The following CDH13 variants were observed in gnomAD, a reference collection of about 807,000 sequenced individuals.
CDH13 encodes cadherin-13.
Under a neutral mutation model 63.8 loss-of-function variants are expected in CDH13, and 24 were observed. The observed-to-expected ratio is 0.38, with a 90% CI of 0.27 to 0.53. The LOEUF (loss-of-function observed/expected upper bound fraction) is 0.53, where lower values mean the gene tolerates loss of function less well. Among genes scored for constraint, CDH13 ranks in the 20% least tolerant of loss-of-function variants. The pLI is 0.85. For missense variants in CDH13, 1,049 were observed against 903.1 expected (o/e 1.16, Z -2.07); for synonymous variants, 503 against 355.3 (o/e 1.42, Z -4.67).
chr16:83,373,337 A>C (rs1385659014), intron 6 of CDH13, among the ~76,000 whole-genome samples: 2 of 152,162 alleles, frequency 1.3e-5, no homozygotes, highest in Non-Finnish European at 2.9e-5. Flanking sequence ...AGTGCAAAGT[A>C]AGCTGATGGG....
intron 9 of CDH13, among the ~76,000 whole-genome samples, chr16:83,673,391 C>T (rs761582262): frequency 4.6e-5 from 7 of 152,242 alleles, no homozygotes; most frequent in Admixed American, 3.9e-4. Context: ...CTACCCTCCT[C>T]GCTCCAGACC....
At chr16:82,733,494 A>C (rs1287423167) in intron 1 of CDH13, among the ~76,000 whole-genome samples, 1 of 152,186 alleles carries the variant, frequency 6.6e-6, no homozygotes, top group Non-Finnish European at 1.5e-5. Context: ...GAAAGAGTTC[A>C]TGATTTGGCT....
intron 10 of CDH13, among the ~76,000 whole-genome samples, chr16:83,703,988 G>T (rs1025879924): frequency 1.3e-5 from 2 of 152,124 alleles, no homozygotes; most frequent in African/African-American, 4.8e-5. Flanking sequence ...ATGGAGAAAT[G>T]AAAAAGGCTT....
At chr16:83,146,351 T>C (rs893142103) in intron 4 of CDH13, among the ~76,000 whole-genome samples, 1 of 152,228 alleles carries the variant, frequency 6.6e-6, no homozygotes, top group Non-Finnish European at 1.5e-5. Context: ...GCTTATGCCA[T>C]GTAGGGGTTT....
intron 1 of CDH13, among the ~76,000 whole-genome samples, chr16:82,784,027 A>G (rs1032969046): frequency 6.6e-6 from 1 of 152,234 alleles, no homozygotes; most frequent in Non-Finnish European, 1.5e-5. Context: ...TGGCTGGGCA[A>G]TTATCCTTTT....
intron 3 of CDH13, among the ~76,000 whole-genome samples, chr16:83,089,476 G>A (rs2033787128): frequency 6.6e-6 from 1 of 152,210 alleles, no homozygotes; most frequent in South Asian, 2.1e-4. Flanking sequence ...CTGCCTTGCA[G>A]GCGTCAGGAA....
At chr16:82,950,003 T>C (rs972147480) in intron 2 of CDH13, among the ~76,000 whole-genome samples, 1 of 152,014 alleles carries the variant, frequency 6.6e-6, no homozygotes, top group African/African-American at 2.4e-5. Context: ...ATCAAGCAGG[T>C]AAGAAAAGGG....
intron 5 of CDH13, among the ~76,000 whole-genome samples, chr16:83,253,878 A>G (rs1282438435): frequency 1.3e-5 from 2 of 152,228 alleles, no homozygotes; most frequent in Non-Finnish European, 2.9e-5. Context: ...CTTTCTAGGT[A>G]TACACATGAA....
At chr16:83,621,767 G>T (rs1256202150) in intron 8 of CDH13, among the ~76,000 whole-genome samples, 2 of 150,858 alleles carry the variant, frequency 1.3e-5, no homozygotes, top group Non-Finnish European at 3.0e-5. Context: ...TATTACAGGT[G>T]TGAGCCACCG....
intron 2 of CDH13, among the ~76,000 whole-genome samples, chr16:82,979,160 A>G (rs930492640): frequency 6.6e-6 from 1 of 152,198 alleles, no homozygotes; most frequent in African/African-American, 2.4e-5. Flanking sequence ...GAACAGATGT[A>G]TTTATCCAAT....
chr16:83,546,960 G>A (rs144430831), intron 7 of CDH13, among the ~76,000 whole-genome samples: 2 of 152,274 alleles, frequency 1.3e-5, no homozygotes, highest in Non-Finnish European at 2.9e-5. Context: ...AACACGGACC[G>A]GAAGGGACAC....
intron 6 of CDH13, among the ~76,000 whole-genome samples, chr16:83,395,689 T>C (rs1197750831): frequency 6.6e-6 from 1 of 152,176 alleles, no homozygotes; most frequent in Admixed American, 6.5e-5. Flanking sequence ...CAGCCGGTGG[T>C]CACCACAGGG....
chr16:83,451,795 G>A (rs561841520), intron 6 of CDH13, among the ~76,000 whole-genome samples: 2 of 152,346 alleles, frequency 1.3e-5, no homozygotes, highest in South Asian at 2.1e-4. Context: ...TGGCATTACA[G>A]GCATGTGCCA....
rs577948425 is a variant in CDH13, at chr16:82,989,049, AT to A, written c.158-42958del. On this transcript the variant is annotated intron_variant, in intron 2 of 13. Coordinates refer to ENST00000567109, the MANE Select transcript of CDH13 (RefSeq NM_001257.5). ...GATGAAAGAGTGAACTACTAAGTTAATTTGAAATTGAAATATAGGGTAAGGC... is the reference window on the plus strand; with the variant it reads ...GATGAAAGAGTGAACTACTAAGTTAATTGAAATTGAAATATAGGGTAAGGC... Among the ~76,000 whole-genome samples, 311 of 152,356 alleles carry A rather than the reference AT, an allele frequency of 2.0e-3. 1 individual carries two copies. Among genetic ancestry groups the A allele is most frequent in the South Asian group, 9.9e-3 (48 of 4,832 alleles).
chr16:83,126,622 A>G (rs1411684330), intron 4 of CDH13, among the ~76,000 whole-genome samples: 2 of 152,132 alleles, frequency 1.3e-5, no homozygotes, highest in African/African-American at 2.4e-5. Context: ...AGCTTAGGAG[A>G]AGGGACAAGG....
chr16:83,553,560 G>C (rs1411743781), intron 7 of CDH13, among the ~76,000 whole-genome samples: 1 of 151,904 alleles, frequency 6.6e-6, no homozygotes, highest in African/African-American at 2.4e-5. Context: ...TTTTGTTGTT[G>C]TTGTATTTTT....
intron 2 of CDH13, among the ~76,000 whole-genome samples, chr16:83,014,856 G>GTA (rs200967243): frequency 7.4e-5 from 8 of 107,728 alleles, no homozygotes; most frequent in East Asian, 2.5e-4. Context: ...ATATATATTT[G>GTA]TATATATATA....
At chr16:83,364,768 G>A (rs536317473) in intron 6 of CDH13, among the ~76,000 whole-genome samples, 1 of 152,172 alleles carries the variant, frequency 6.6e-6, no homozygotes, top group African/African-American at 2.4e-5. Flanking sequence ...GGAGGAGGCA[G>A]ACAGAAGGAA....
intron 6 of CDH13, among the ~76,000 whole-genome samples, chr16:83,444,286 C>T (rs79839453): frequency 0.022 from 3,334 of 152,168 alleles, 125 homozygotes; most frequent in African/African-American, 0.077. Flanking sequence ...TGCTAGGTAA[C>T]AGATATGTTA....
Sources: allele counts gnomAD v4.1 joint callset (sites outside exome capture counted in the v4.1 genomes callset), GRCh38; gene constraint gnomAD v4.1.1; transcripts MANE v1.5; gene names NCBI Gene and HGNC (gene_info 2026-07-23, HGNC 2026-07-21).